LPP: variants seen among roughly 807,000 people sequenced by gnomAD.
LPP encodes LIM domain containing preferred translocation partner in lipoma.
LPP carries 38 observed loss-of-function variants against 60.4 expected under a neutral mutation model. That is an observed-to-expected ratio of 0.63 (90% CI 0.49 to 0.83). LPP has a LOEUF of 0.83. Ranked by LOEUF, LPP falls within the 40% of genes least tolerant of loss-of-function variation. The pLI is 0.00. For synonymous variants in LPP, 328 were observed against 290.8 expected, an observed-to-expected ratio of 1.13 and a Z score of -1.30; for missense variants, 902 against 783.6, an observed-to-expected ratio of 1.15 and a Z score of -1.80.
intron 9 of LPP, among the ~76,000 whole-genome samples, chr3:188,760,688 A>G (rs1732010704): frequency 6.6e-6 from 1 of 152,176 alleles, no homozygotes; most frequent in Admixed American, 6.5e-5. Context: ...CAGTAGTTTC[A>G]AGGAAACTTT....
intron 9 of LPP, among the ~76,000 whole-genome samples, chr3:188,765,840 C>T (rs1056928390): frequency 1.2e-4 from 17 of 141,670 alleles, no homozygotes; most frequent in African/African-American, 2.2e-4. Context: ...CCACGTGCAA[C>T]GTGCAACTTA....
rs555813743 is a variant in LPP at position 188,802,999 on chromosome 3, T to C, written c.1410+42717T>C. 7.8e-4 allele frequency among the ~76,000 whole-genome samples: 118 copies of C among 151,862 alleles called. 1 individual carries two copies. The highest frequency in any genetic ancestry group is 3.5e-3 in the Middle Eastern group (1 of 288). Reference sequence around the variant, plus strand: ...TCCTAAAAGTGATCACTATCCTGACTTATAATAATACTATATATTAGATTA... The same window carrying C: ...TCCTAAAAGTGATCACTATCCTGACCTATAATAATACTATATATTAGATTA... On this transcript the variant is annotated intron_variant, in intron 9 of 11. Coordinates refer to ENST00000617246, the MANE Select transcript of LPP (RefSeq NM_001375462.1).
chr3:188,363,268 T>C (rs1416248134), intron 3 of LPP, among the ~76,000 whole-genome samples: 1 of 152,124 alleles, frequency 6.6e-6, no homozygotes, highest in African/African-American at 2.4e-5. Context: ...GGAAGGAAAA[T>C]GCATGTGGAT....
At position 188,866,212 on chromosome 3, in the gene LPP, C is replaced by A; in HGVS notation, c.1423C>A (p.Gln475Lys). Residue 475 changes from glutamine (Q) to lysine (K), a missense_variant, in exon 10 of 12, where the codon CAG (glutamine) becomes AAG (lysine). Physicochemically the swap from Gln to Lys is moderately conservative, Grantham distance 53. Coordinates refer to ENST00000617246, the MANE Select transcript of LPP (RefSeq NM_001375462.1). Reference protein sequence around the residue: ...CEPCYINTLEQCNVCSKPIME... With the variant: ...CEPCYINTLEKCNVCSKPIME... ...TTTCCTTCCCCAGAATACTCTGGAG[C>A]AGTGCAATGTGTGTTCCAAGCCCAT... The A allele has an allele frequency of 6.6e-7, 1 of 1,517,004 alleles. No homozygotes were observed. The highest frequency in any genetic ancestry group is 8.9e-7 in the Non-Finnish European group (1 of 1,127,108). 94.0% of individuals were successfully genotyped at this position (1,517,004 alleles called of 1,614,324 possible).
At chr3:188,862,858 A>G (rs1255239533) in intron 9 of LPP, among the ~76,000 whole-genome samples, 2 of 152,122 alleles carry the variant, frequency 1.3e-5, no homozygotes, top group African/African-American at 4.8e-5. Flanking sequence ...TTATTTGCTT[A>G]AAGACTTTCT....
chr3:188,864,852 T>A (rs1229715490), intron 9 of LPP, among the ~76,000 whole-genome samples: 1 of 152,204 alleles, frequency 6.6e-6, no homozygotes, highest in African/African-American at 2.4e-5. Flanking sequence ...ATCACATCTG[T>A]GTTTGGAAAG....
intron 8 of LPP, among the ~76,000 whole-genome samples, chr3:188,743,215 G>A (rs963190100): frequency 6.6e-6 from 1 of 151,992 alleles, no homozygotes; most frequent in South Asian, 2.1e-4. Context: ...CATTTTATTT[G>A]TATTAATTTA....
intron 8 of LPP, chr3:188,708,750 C>A (rs1304411031): frequency 3.0e-6 from 1 of 330,066 alleles, no homozygotes; most frequent in African/African-American, 2.1e-5. Context: ...CCCAGCTACT[C>A]AGAAGGCTGA....
chr3:188,556,977 G>A (rs16863426), intron 6 of LPP, among the ~76,000 whole-genome samples: 2,914 of 152,090 alleles, frequency 0.019, 86 homozygotes, highest in African/African-American at 0.065. Context: ...TCACAGGCAT[G>A]ACCCTCTGTA....
chr3:188,332,061 CCCT>C (rs1345142355), intron 2 of LPP, among the ~76,000 whole-genome samples: 2 of 151,520 alleles, frequency 1.3e-5, no homozygotes, highest in Non-Finnish European at 2.9e-5. Context: ...AAGAGTTCTT[CCCT>C]CCTCCTTTCC....
At chr3:188,636,312 T>C (rs1848741972) in intron 7 of LPP, among the ~76,000 whole-genome samples, 1 of 151,986 alleles carries the variant, frequency 6.6e-6, no homozygotes, top group African/African-American at 2.4e-5. Flanking sequence ...ACCTGGAAAA[T>C]CGGGTCACTC....
chr3:188,624,643 T>C (rs1239673642), intron 7 of LPP, among the ~76,000 whole-genome samples: 2 of 152,130 alleles, frequency 1.3e-5, no homozygotes, highest in African/African-American at 4.8e-5. Context: ...AGACTATTAA[T>C]AGGGAGTCAA....
intron 8 of LPP, among the ~76,000 whole-genome samples, chr3:188,714,293 G>A (rs192225058): frequency 2.8e-4 from 42 of 152,274 alleles, no homozygotes; most frequent in African/African-American, 9.9e-4. Context: ...ATCTTCAAGT[G>A]AGAGATGGAG....
chr3:188,348,538 C>A (rs906848992), intron 3 of LPP, among the ~76,000 whole-genome samples: 7 of 152,204 alleles, frequency 4.6e-5, no homozygotes, highest in African/African-American at 1.7e-4. Context: ...CTTATCACAG[C>A]CCAATGAGAC....
intron 5 of LPP, among the ~76,000 whole-genome samples, chr3:188,507,631 T>A (rs964028081): frequency 6.6e-6 from 1 of 151,982 alleles, no homozygotes; most frequent in Non-Finnish European, 1.5e-5. Flanking sequence ...AGCAAAACCT[T>A]GTATAGCAAG....
rs566386987 is a variant in LPP at position 188,708,563 on chromosome 3, C to T, written c.1240+170C>T. The T allele has an allele frequency of 1.2e-4, 107 of 860,248 alleles. No individual in the cohort carries two copies. In the East Asian group the frequency reaches 2.6e-3, roughly 21 times the overall value. The allele number at this position is 860,248 out of a possible 1,614,324, so 53.3% of individuals were successfully genotyped here. A position where few individuals can be genotyped will look rare whatever the true frequency, so the allele number is the denominator to read the frequency against. ...AATTGTAGGATTTGCATTTGCAAGA[C>T]TGCCATAGATGTGATGTCTACTTAG... On this transcript the variant is annotated intron_variant, in intron 8 of 11. Transcript: ENST00000617246.
intron 3 of LPP, among the ~76,000 whole-genome samples, chr3:188,397,319 C>T (rs763187579): frequency 1.2e-4 from 18 of 152,124 alleles, no homozygotes; most frequent in Admixed American, 7.2e-4. Context: ...AATTAGAAGA[C>T]GTAAATTATT....
chr3:188,197,490 C>T (rs1729869784), intron 1 of LPP, among the ~76,000 whole-genome samples: 2 of 152,104 alleles, frequency 1.3e-5, no homozygotes, highest in African/African-American at 2.4e-5. Flanking sequence ...TTGGAGGAAG[C>T]GAGTGCAGAA....
intron 3 of LPP, among the ~76,000 whole-genome samples, chr3:188,355,096 C>T (rs923005754): frequency 6.6e-6 from 1 of 152,150 alleles, no homozygotes; most frequent in Non-Finnish European, 1.5e-5. Flanking sequence ...GCAATCTCCA[C>T]CTCCTGGGTT....
Sources: gnomAD v4.1 joint callset for allele counts (sites outside exome capture counted in the v4.1 genomes callset) on GRCh38, gnomAD v4.1.1 for gene constraint, MANE v1.5 for transcripts, NCBI Gene and HGNC (gene_info 2026-07-23, HGNC 2026-07-21) for gene names.